Variants in FRK observed in about 807,000 individuals in gnomAD.
FRK encodes tyrosine-protein kinase FRK.
In FRK, 51 loss-of-function variants were observed where a neutral mutation model predicts 56.4. The observed-to-expected ratio is 0.90, with a 90% CI of 0.72 to 1.14. The LOEUF is 1.14. FRK is among the 50% of genes most tolerant of loss of function. The pLI, the probability that FRK is intolerant of heterozygous loss-of-function variation, is 0.00. For synonymous variants in FRK, 245 were observed against 217.9 expected (o/e 1.12, Z -1.10); for missense variants, 570 against 601.4 (o/e 0.95, Z 0.55).
chr6:116,030,942 T>C (rs1244790049), intron 1 of FRK, among the ~76,000 whole-genome samples: 1 of 152,140 alleles, frequency 6.6e-6, no homozygotes, highest in East Asian at 1.9e-4. Context: ...GTGCAGTCAG[T>C]AGGATCCTTT....
the FRK span, among the ~76,000 whole-genome samples, chr6:116,088,016 A>T: frequency 2.0e-5 from 3 of 152,202 alleles, no homozygotes; most frequent in African/African-American, 7.2e-5. Context: ...TGACAACAGG[A>T]GCCAGCGGGT....
At chr6:115,997,540 T>C (rs187902827) in intron 2 of FRK, among the ~76,000 whole-genome samples, 1 of 151,980 alleles carries the variant, frequency 6.6e-6, no homozygotes, top group African/African-American at 2.4e-5. Context: ...TCTCCGTAAA[T>C]CATCTCCTCC....
chr6:116,072,022 A>G, the FRK span, among the ~76,000 whole-genome samples: 1 of 152,180 alleles, frequency 6.6e-6, no homozygotes, highest in African/African-American at 2.4e-5. Context: ...TTTGCTGTTG[A>G]GGATGTAGTC....
intron 5 of FRK, among the ~76,000 whole-genome samples, chr6:115,951,324 C>CA: frequency 6.6e-6 from 1 of 152,248 alleles, no homozygotes; most frequent in Non-Finnish European, 1.5e-5. Context: ...TATTTCCAGT[C>CA]AATCACCTAA....
chr6:116,047,605 G>A (rs1366348619), intron 1 of FRK, among the ~76,000 whole-genome samples: 3 of 5,200 alleles, frequency 5.8e-4, no homozygotes, highest in African/African-American at 7.0e-4. Context: ...AGCTGGGATT[G>A]TTAGGCTTTG....
chr6:115,983,863 C>T (rs1774297087), intron 2 of FRK, among the ~76,000 whole-genome samples: 1 of 152,094 alleles, frequency 6.6e-6, no homozygotes, highest in South Asian at 2.1e-4. Context: ...GTTACTGTCC[C>T]CTTTAAAGCT....
At position 116,003,920 on chromosome 6, in the gene FRK, T is replaced by C; in HGVS notation, c.423A>G (p.Leu141=). 6.2e-7 allele frequency: 1 copy of C among 1,613,540 alleles called. No homozygotes were observed. The highest frequency in any genetic ancestry group is 8.5e-7 in the Non-Finnish European group (1 of 1,179,658). Residue 141 remains leucine (L), a synonymous_variant, in exon 2 of 8, where the codon CTA becomes CTG. Coordinates refer to ENST00000606080, the MANE Select transcript of FRK (RefSeq NM_002031.3). Reference sequence around the variant, plus strand: ...CTTTTTGGCTTTCACTTTCTCTGATTAGAAAGGAACCGGTCTTGTTTTCTG... The same window carrying C: ...CTTTTTGGCTTTCACTTTCTCTGATCAGAAAGGAACCGGTCTTGTTTTCTG... The part of the protein sequence containing the change: ...LYSENKTGSF[L]IRESESQKGE...
intron 5 of FRK, among the ~76,000 whole-genome samples, chr6:115,952,926 GT>G (rs1772825355): frequency 9.4e-6 from 1 of 106,296 alleles, no homozygotes; most frequent in South Asian, 3.9e-4. Context: ...CTGTGGTGGG[GT>G]GGGGGGAGGG....
At chr6:116,062,424 C>T, upstream of FRK, among the ~76,000 whole-genome samples, 1 of 149,590 alleles carries the variant, frequency 6.7e-6, no homozygotes, top group Non-Finnish European at 1.5e-5. Flanking sequence ...GGCACAGATG[C>T]TGAAGTCTTC....
upstream of FRK, among the ~76,000 whole-genome samples, chr6:116,063,592 G>A (rs1251862729): frequency 2.0e-5 from 3 of 152,094 alleles, no homozygotes; most frequent in Non-Finnish European, 4.4e-5. Flanking sequence ...TGGTTGAAGG[G>A]TACAATGTTT....
rs1252407304 is a variant in FRK at position 115,933,379 on chromosome 6, T to C, written c.*9035A>G. ...ATCTTTTCCTGATCCTTTTATTTAATACAGGGAGAGAAATTTATGGCAGTT... is the reference window on the plus strand; with the variant it reads ...ATCTTTTCCTGATCCTTTTATTTAACACAGGGAGAGAAATTTATGGCAGTT... On this transcript the variant is annotated 3_prime_UTR_variant, in exon 8 of 8. Coordinates refer to ENST00000606080, the MANE Select transcript of FRK (RefSeq NM_002031.3). 6.6e-6 allele frequency: 1 copy of C among 152,222 alleles called. No individual in the cohort carries two copies. The highest frequency in any genetic ancestry group is 1.5e-5 in the Non-Finnish European group (1 of 68,032). The allele number at this position is 152,222 out of a possible 1,614,324, so 9.4% of individuals were successfully genotyped here.
the FRK span, among the ~76,000 whole-genome samples, chr6:116,083,329 T>G: frequency 3.3e-5 from 5 of 152,126 alleles, no homozygotes; most frequent in South Asian, 6.2e-4. Flanking sequence ...TCAGTTTTCA[T>G]CAAAGGGGAG....
Position 115,939,674 on chromosome 6 carries a change from T to G in FRK, c.*2740A>C, listed in dbSNP as rs954011065. 5 of 152,106 alleles carry G rather than the reference T, an allele frequency of 3.3e-5. No individual in the cohort carries two copies. Among genetic ancestry groups the G allele is most frequent in the African/African-American group, 1.2e-4 (5 of 41,422 alleles). The allele number at this position is 152,106 out of a possible 1,614,324, so 9.4% of individuals were successfully genotyped here. A position where few individuals can be genotyped will look rare whatever the true frequency, so the allele number is the denominator to read the frequency against. Reference sequence around the variant, plus strand: ...ATCAATGTGCAAAAATCACACACATTCCTATACACCAATAACAAACAGAGA... The same window carrying G: ...ATCAATGTGCAAAAATCACACACATGCCTATACACCAATAACAAACAGAGA... On this transcript the variant is annotated 3_prime_UTR_variant, in exon 8 of 8. Coordinates refer to ENST00000606080, the MANE Select transcript of FRK (RefSeq NM_002031.3).
chr6:116,035,008 G>T (rs945049676), intron 1 of FRK, among the ~76,000 whole-genome samples: 2 of 151,912 alleles, frequency 1.3e-5, no homozygotes, highest in Admixed American at 1.3e-4. Flanking sequence ...GTTGAGTAAT[G>T]GTACCTAGTG....
intron 5 of FRK, among the ~76,000 whole-genome samples, chr6:115,955,030 G>A (rs749417900): frequency 6.6e-6 from 1 of 152,116 alleles, no homozygotes; most frequent in Non-Finnish European, 1.5e-5. Flanking sequence ...AGTTAAGAAG[G>A]CAGTTGGGTA....
chr6:116,014,075 A>G (rs1775564595), intron 1 of FRK, among the ~76,000 whole-genome samples: 1 of 152,192 alleles, frequency 6.6e-6, no homozygotes, highest in South Asian at 2.1e-4. Flanking sequence ...ATGCACTATG[A>G]TGTCACTGAG....
At chr6:116,056,135 C>CACAAAAGT (rs1445500686) in intron 1 of FRK, among the ~76,000 whole-genome samples, 1 of 151,728 alleles carries the variant, frequency 6.6e-6, no homozygotes, top group African/African-American at 2.4e-5. Flanking sequence ...TTCAATTTAA[C>CACAAAAGT]ACAAAAGTAT....
At chr6:116,053,986 G>T (rs1275829828) in intron 1 of FRK, among the ~76,000 whole-genome samples, 2 of 151,802 alleles carry the variant, frequency 1.3e-5, no homozygotes, top group Non-Finnish European at 2.9e-5. Flanking sequence ...AGTTGAATTG[G>T]TTGCTCTTTT....
intron 2 of FRK, among the ~76,000 whole-genome samples, chr6:115,977,867 TAC>T (rs1241192438): frequency 6.6e-6 from 1 of 152,184 alleles, no homozygotes; most frequent in African/African-American, 2.4e-5. Flanking sequence ...AGGTGTTCAG[TAC>T]AGTATGTCAA....
Sources: allele counts gnomAD v4.1 joint callset (sites outside exome capture counted in the v4.1 genomes callset), GRCh38; gene constraint gnomAD v4.1.1; transcripts MANE v1.5; gene names NCBI Gene and HGNC (gene_info 2026-07-23, HGNC 2026-07-21).